MYO16: variants seen among roughly 807,000 people sequenced by gnomAD.
The protein encoded by MYO16 is unconventional myosin-XVI.
Under a neutral mutation model 205.3 loss-of-function variants are expected in MYO16, and 94 were observed. The ratio of observed to expected loss-of-function variants is 0.46; its 90% CI spans 0.39 to 0.54. The LOEUF (loss-of-function observed/expected upper bound fraction) is 0.54, where lower values mean the gene tolerates loss of function less well. MYO16 is among the 20% of genes least tolerant of loss of function. The pLI is 0.00. For synonymous variants in MYO16, 988 were observed against 954.0 expected, an observed-to-expected ratio of 1.04 and a Z score of -0.66; for missense variants, 2,315 against 2,387.5, an observed-to-expected ratio of 0.97 and a Z score of 0.63.
At chr13:108,936,211 G>T (rs1026200680) in intron 16 of MYO16, among the ~76,000 whole-genome samples, 1 of 138,120 alleles carries the variant, frequency 7.2e-6, no homozygotes, top group African/African-American at 2.7e-5. Flanking sequence ...GCCAGCTTTT[G>T]TTATCAGGGT....
At position 108,630,473 on chromosome 13, in the gene MYO16, T is replaced by C. The variant is rs1879930970; in HGVS notation, c.28+601T>C. Among the ~76,000 whole-genome samples, 4 of 152,232 alleles carry C rather than the reference T, an allele frequency of 2.6e-5. No individual in the cohort carries two copies. In the South Asian group the frequency reaches 8.3e-4, roughly 32 times the overall value. ...TTGTCACCAGGTTCTCTTTTGGGCTTATCAAGGGTTTCTTTAGCGTCTGAA... is the reference window on the plus strand; with the variant it reads ...TTGTCACCAGGTTCTCTTTTGGGCTCATCAAGGGTTTCTTTAGCGTCTGAA... On this transcript the variant is annotated intron_variant, in intron 1 of 34. Coordinates refer to ENST00000457511, the MANE Select transcript of MYO16 (RefSeq NM_001198950.3).
Position 109,055,779 on chromosome 13 carries a change from A to G in MYO16, c.3335+184A>G. 1 of 578,050 alleles carries G rather than the reference A, an allele frequency of 1.7e-6. No homozygotes were observed. Among genetic ancestry groups the G allele is most frequent in the Non-Finnish European group, 3.1e-6 (1 of 327,684 alleles). The allele number at this position is 578,050 out of a possible 1,614,324, so 35.8% of individuals were successfully genotyped here. A position where few individuals can be genotyped will look rare whatever the true frequency, so the allele number is the denominator to read the frequency against. On this transcript the variant is annotated intron_variant, in intron 27 of 34. Coordinates refer to ENST00000457511, the MANE Select transcript of MYO16 (RefSeq NM_001198950.3). This position sits in a 1 kb window ranked among gnomAD's most constrained non-coding sequence, Gnocchi z 5.0. ...AATGAAATACACTGACAAAGCTCAC[A>G]TAAAAAATAATTAAACTGTACTGAG...
At chr13:108,769,609 A>G (rs932886565) in intron 4 of MYO16, among the ~76,000 whole-genome samples, 3 of 152,208 alleles carry the variant, frequency 2.0e-5, no homozygotes. Flanking sequence ...GATAAACTAG[A>G]AGCAAGTAAA....
intron 4 of MYO16, among the ~76,000 whole-genome samples, chr13:108,742,561 C>T (rs1884942665): frequency 6.6e-6 from 1 of 152,004 alleles, no homozygotes; most frequent in Non-Finnish European, 1.5e-5. Context: ...TGTACCACAT[C>T]CAAGCACCAA....
intron 14 of MYO16, among the ~76,000 whole-genome samples, chr13:108,892,501 A>G (rs1265876861): frequency 2.0e-5 from 3 of 152,192 alleles, no homozygotes; most frequent in African/African-American, 4.8e-5. Context: ...TCAGCCTCCC[A>G]AAGTGCTGGG....
At chr13:108,772,027 T>C (rs9587683) in intron 4 of MYO16, among the ~76,000 whole-genome samples, 17,602 of 152,206 alleles carry the variant, frequency 0.12, 1,232 homozygotes, top group African/African-American at 0.19. Flanking sequence ...GCATGATTTC[T>C]GGGTCATGTA....
At chr13:108,749,140 A>G (rs1279455573) in intron 4 of MYO16, among the ~76,000 whole-genome samples, 1 of 151,746 alleles carries the variant, frequency 6.6e-6, no homozygotes, top group Non-Finnish European at 1.5e-5. Context: ...CATATGCATT[A>G]CCTCACAAAC....
chr13:108,899,593 C>T (rs867307945), intron 15 of MYO16, among the ~76,000 whole-genome samples: 5 of 152,176 alleles, frequency 3.3e-5, no homozygotes, highest in South Asian at 4.1e-4. Flanking sequence ...GGAGAACTGT[C>T]GTGAGCCTCA....
intron 27 of MYO16, among the ~76,000 whole-genome samples, chr13:109,090,287 G>C (rs548148119): frequency 6.6e-6 from 1 of 152,192 alleles, no homozygotes; most frequent in East Asian, 1.9e-4. Flanking sequence ...GACCAAATTC[G>C]AAGCCTCAGC....
chr13:108,861,091 C>T (rs1878429489), intron 11 of MYO16, among the ~76,000 whole-genome samples: 1 of 152,032 alleles, frequency 6.6e-6, no homozygotes, highest in Non-Finnish European at 1.5e-5. Context: ...GACAAACAAA[C>T]AAGGTAATAT....
At chr13:108,851,750 A>G (rs1877880534) in intron 10 of MYO16, among the ~76,000 whole-genome samples, 1 of 152,048 alleles carries the variant, frequency 6.6e-6, no homozygotes, top group Non-Finnish European at 1.5e-5. Flanking sequence ...AGAGCTTGCT[A>G]GCTGGTCTCA....
intron 20 of MYO16, 98 bp downstream of exon 20, chr13:108,965,000 A>G: frequency 8.3e-7 from 1 of 1,203,066 alleles, no homozygotes; most frequent in African/African-American, 1.5e-5. Flanking sequence ...GGTAACCAAT[A>G]AGTTAAACTT....
intron 3 of MYO16, among the ~76,000 whole-genome samples, chr13:108,725,587 C>T (rs760616048): frequency 2.0e-5 from 3 of 152,132 alleles, no homozygotes; most frequent in Non-Finnish European, 2.9e-5. Context: ...GGTTTTCAGT[C>T]TGGTTGGCAG....
chr13:109,090,061 T>G (rs1888569380), intron 27 of MYO16, among the ~76,000 whole-genome samples: 1 of 152,178 alleles, frequency 6.6e-6, no homozygotes, highest in African/African-American at 2.4e-5. Flanking sequence ...TTCGTTTGAG[T>G]GGTGCATTTG....
chr13:109,090,130 G>T (rs568274389), intron 27 of MYO16, among the ~76,000 whole-genome samples: 2 of 152,210 alleles, frequency 1.3e-5, no homozygotes, highest in African/African-American at 2.4e-5. Context: ...AGGGAAATCC[G>T]TGTTGGCCAG....
At chr13:108,747,591 C>G (rs1388435301) in intron 4 of MYO16, among the ~76,000 whole-genome samples, 1 of 118,760 alleles carries the variant, frequency 8.4e-6, no homozygotes, top group Non-Finnish European at 1.8e-5. Context: ...TCAATTAAAT[C>G]AATGGTGGCA....
At chr13:109,161,442 T>C (rs1594143975) in intron 32 of MYO16, among the ~76,000 whole-genome samples, 1 of 152,202 alleles carries the variant, frequency 6.6e-6, no homozygotes, top group African/African-American at 2.4e-5. Flanking sequence ...AGAGATTAAC[T>C]TCCCCAAGCC....
intron 23 of MYO16, among the ~76,000 whole-genome samples, chr13:109,045,982 A>ATGCTCGCCCTCCCTCAT (rs1190498586): frequency 2.0e-4 from 28 of 142,586 alleles, no homozygotes; most frequent in African/African-American, 4.9e-4. Flanking sequence ...TCAGGCGAGG[A>ATGCTCGCCCTCCCTCAT]GGCAAATTCT....
chr13:108,996,901 A>G (rs1203041926), intron 21 of MYO16, among the ~76,000 whole-genome samples: 2 of 152,240 alleles, frequency 1.3e-5, no homozygotes, highest in African/African-American at 4.8e-5. Flanking sequence ...TTTAACCTAC[A>G]AATAATTTCC....
Sources: allele counts gnomAD v4.1 joint callset (sites outside exome capture counted in the v4.1 genomes callset), GRCh38; gene constraint gnomAD v4.1.1; non-coding constraint Gnocchi (gnomAD v3.1); transcripts MANE v1.5; gene names NCBI Gene and HGNC (gene_info 2026-07-23, HGNC 2026-07-21).